The following MGST1 variants were observed in gnomAD, a reference collection of about 807,000 sequenced individuals.
MGST1 encodes the protein microsomal glutathione S-transferase 1, also known as glutathione S-transferase 12.
In MGST1, 5 loss-of-function variants were observed where a neutral mutation model predicts 8.9. The observed-to-expected ratio is 0.56, with a 90% CI of 0.29 to 1.19. MGST1 has a LOEUF of 1.19. Among genes scored for constraint, MGST1 ranks in the 50% most tolerant of loss-of-function variants. The probability of loss-of-function intolerance (pLI) is 0.08; values close to 1 mark genes in which losing one functional copy is unlikely to be tolerated. For synonymous variants in MGST1, 54 were observed against 67.8 expected (o/e 0.80, Z 1.00); for missense variants, 182 against 187.4 (o/e 0.97, Z 0.17).
downstream of MGST1, among the ~76,000 whole-genome samples, chr12:16,379,124 T>C (rs1205575087): frequency 1.3e-5 from 2 of 152,174 alleles, no homozygotes; most frequent in African/African-American, 4.8e-5. Flanking sequence ...CTTTTCCTAA[T>C]TGAATACCCT....
intron 4 of MGST1, among the ~76,000 whole-genome samples, chr12:16,565,484 T>A (rs1591784771): frequency 6.6e-6 from 1 of 152,214 alleles, no homozygotes; most frequent in African/African-American, 2.4e-5. Flanking sequence ...CTATTGTTCT[T>A]TCTCTTTTTG....
rs1389817057 is a variant in MGST1, at chr12:16,546,587, G to C, written n.483-42941G>C. ...TGAATTTAACATATTTTCCTTTTCAGAAAACAGAATTCTTTTAATTAAAAA... is the reference window on the plus strand; with the variant it reads ...TGAATTTAACATATTTTCCTTTTCACAAAACAGAATTCTTTTAATTAAAAA... On this transcript the variant is annotated intron_variant and non_coding_transcript_variant, in intron 4 of 4. Coordinates refer to the MGST1 transcript ENST00000538857. This position sits in a 1 kb window ranked among gnomAD's most constrained non-coding sequence, Gnocchi z 4.7. 1.3e-5 allele frequency among the ~76,000 whole-genome samples: 2 copies of C among 152,040 alleles called. No individual in the cohort carries two copies. The highest frequency in any genetic ancestry group is 1.9e-4 in the East Asian group (1 of 5,194).
chr12:16,582,543 T>C lies in MGST1; in HGVS notation n.483-6985T>C, dbSNP rs1378235668. ...CTGTGTAACACTTAATTGTGGATAC[T>C]ATGGAAGTGGCTAGATATACATTGC... On this transcript the variant is annotated intron_variant and non_coding_transcript_variant, in intron 4 of 4. Transcript: ENST00000538857. This position sits in a 1 kb window ranked among gnomAD's most constrained non-coding sequence, Gnocchi z 4.1. Among the ~76,000 whole-genome samples, 1 of 152,196 alleles carries C rather than the reference T, an allele frequency of 6.6e-6. No homozygotes were observed. Among genetic ancestry groups the C allele is most frequent in the African/African-American group, 2.4e-5 (1 of 41,448 alleles).
intron 4 of MGST1, among the ~76,000 whole-genome samples, chr12:16,477,564 TCTTA>T (rs1337303019): frequency 6.6e-6 from 1 of 152,190 alleles, no homozygotes; most frequent in Non-Finnish European, 1.5e-5. Flanking sequence ...AAAATTACTA[TCTTA>T]CTTGTATACT....
chr12:16,560,574 C>G lies in MGST1; in HGVS notation n.483-28954C>G, dbSNP rs1424988392. 5 of 1,580,966 alleles carry G rather than the reference C, an allele frequency of 3.2e-6. No individual in the cohort carries two copies. Among genetic ancestry groups the G allele is most frequent in the Non-Finnish European group, 4.3e-6 (5 of 1,157,462 alleles). ...AAACATTTTTTTTTTTTTACAAACT[C>G]TTACAGAGAAATCTGAGATCGTGAA... On this transcript the variant is annotated intron_variant and non_coding_transcript_variant, in intron 4 of 4. Transcript: ENST00000538857. This position sits in a 1 kb window ranked among gnomAD's most constrained non-coding sequence, Gnocchi z 5.0.
intron 4 of MGST1, among the ~76,000 whole-genome samples, chr12:16,540,709 T>A (rs1303182615): frequency 1.3e-5 from 2 of 152,082 alleles, no homozygotes; most frequent in Non-Finnish European, 2.9e-5. Context: ...GGCAGGAGGA[T>A]CACTTGAGGC....
At chr12:16,377,325 TG>T (rs1275996919), downstream of MGST1, 2 of 123,038 alleles carry the variant, frequency 1.6e-5, no homozygotes, top group African/African-American at 6.3e-5. Flanking sequence ...GTCCCCAGTG[TG>T]TGATGTTCCC....
At chr12:16,457,151 A>G (rs972764519) in intron 4 of MGST1, among the ~76,000 whole-genome samples, 3 of 152,024 alleles carry the variant, frequency 2.0e-5, no homozygotes, top group Admixed American at 6.6e-5. Flanking sequence ...AAAATAACTG[A>G]CATCACTTTA....
At chr12:16,379,112 C>T (rs1940424525), downstream of MGST1, among the ~76,000 whole-genome samples, 1 of 152,118 alleles carries the variant, frequency 6.6e-6, no homozygotes, top group African/African-American at 2.4e-5. Flanking sequence ...ATTTGACTTC[C>T]TCTTTTCCTA....
downstream of MGST1, among the ~76,000 whole-genome samples, chr12:16,590,957 G>T (rs1943478213): frequency 1.3e-5 from 2 of 151,932 alleles, no homozygotes; most frequent in Non-Finnish European, 2.9e-5. Flanking sequence ...AAAACTTCCA[G>T]TAAATAAATG....
intron 1 of MGST1, among the ~76,000 whole-genome samples, chr12:16,429,465 T>A (rs1381818774): frequency 6.6e-6 from 1 of 150,604 alleles, no homozygotes; most frequent in Non-Finnish European, 1.5e-5. Flanking sequence ...GAGTTATTTC[T>A]TCAATCATAT....
intron 4 of MGST1, among the ~76,000 whole-genome samples, chr12:16,532,791 AT>A (rs1021604340): frequency 6.6e-6 from 1 of 152,046 alleles, no homozygotes; most frequent in Admixed American, 6.6e-5. Flanking sequence ...CATGTAATGC[AT>A]TTTTTTTAAA....
intron 4 of MGST1, among the ~76,000 whole-genome samples, chr12:16,481,273 G>A (rs941506297): frequency 6.6e-6 from 1 of 152,186 alleles, no homozygotes; most frequent in Non-Finnish European, 1.5e-5. Flanking sequence ...GCAGATCTGG[G>A]TAGGTAATGC....
chr12:16,473,450 A>AGAATTATACATGGTTTACTAT (rs1941300847), intron 4 of MGST1, among the ~76,000 whole-genome samples: 1 of 152,256 alleles, frequency 6.6e-6, no homozygotes, highest in Non-Finnish European at 1.5e-5. Context: ...CTCTGGAATG[A>AGAATTATACATGGTTTACTAT]GAATTATACA....
intron 1 of MGST1, among the ~76,000 whole-genome samples, chr12:16,435,886 C>T (rs888394497): frequency 2.6e-5 from 4 of 151,674 alleles, no homozygotes; most frequent in African/African-American, 7.3e-5. Flanking sequence ...TTCAGGGTAG[C>T]CTTGGTTTTT....
intron 4 of MGST1, among the ~76,000 whole-genome samples, chr12:16,534,176 A>T (rs1173807500): frequency 6.6e-6 from 1 of 152,232 alleles, no homozygotes; most frequent in African/African-American, 2.4e-5. Context: ...TGATAAAATA[A>T]GACAAAAGAA....
intron 1 of MGST1, among the ~76,000 whole-genome samples, chr12:16,406,443 C>G (rs1177785405): frequency 6.6e-6 from 1 of 152,188 alleles, no homozygotes; most frequent in Non-Finnish European, 1.5e-5. Context: ...ACATTCCATT[C>G]TCATGGATAG....
At chr12:16,567,031 C>T (rs958350826) in intron 4 of MGST1, among the ~76,000 whole-genome samples, 1 of 152,104 alleles carries the variant, frequency 6.6e-6, no homozygotes. Flanking sequence ...CCCATCTCTA[C>T]TAAAAATATG....
Position 16,409,302 on chromosome 12 carries a change from A to G in MGST1, n.778+25698A>G, listed in dbSNP as rs576746221. ...TGTTTGTGTGTGTGTATGTGTGTGTATATGCATACACACATATCCACACAC... is the reference window on the plus strand; with the variant it reads ...TGTTTGTGTGTGTGTATGTGTGTGTGTATGCATACACACATATCCACACAC... On this transcript the variant is annotated intron_variant and non_coding_transcript_variant, in intron 1 of 1. Coordinates refer to the MGST1 transcript ENST00000359720. Among the ~76,000 whole-genome samples, 13 of 151,876 alleles carry G rather than the reference A, an allele frequency of 8.6e-5. No homozygotes were observed. In the South Asian group the frequency reaches 2.7e-3, roughly 32 times the overall value.
Sources: gnomAD v4.1 joint callset for allele counts (sites outside exome capture counted in the v4.1 genomes callset) on GRCh38, gnomAD v4.1.1 for gene constraint, Gnocchi (gnomAD v3.1) non-coding constraint, MANE v1.5 for transcripts, NCBI Gene and HGNC (gene_info 2026-07-23, HGNC 2026-07-21) for gene names.